The following ITPKB variants were observed in gnomAD, a reference collection of about 807,000 sequenced individuals.
The protein encoded by ITPKB is IP3 3-kinase B.
A neutral mutation model predicts 69.4 loss-of-function variants in ITPKB; 13 were observed. The observed-to-expected ratio is 0.19, with a 90% CI of 0.12 to 0.30. The LOEUF (loss-of-function observed/expected upper bound fraction) is 0.30, where lower values mean the gene tolerates loss of function less well. Ranked by LOEUF, ITPKB falls within the 10% of genes least tolerant of loss-of-function variation. ITPKB has a pLI of 1.00. For synonymous variants in ITPKB, 584 were observed against 513.7 expected (o/e 1.14, Z -1.85); for missense variants, 1,240 against 1,250.5 (o/e 0.99, Z 0.13).
Position 226,694,923 on chromosome 1 carries a change from C to T in ITPKB, c.1932+40604G>A, listed in dbSNP as rs564472349. Among the ~76,000 whole-genome samples, 44 of 152,362 alleles carry T rather than the reference C, an allele frequency of 2.9e-4. 1 individual carries two copies. Among genetic ancestry groups the T allele is most frequent in the South Asian group, 1.9e-3 (9 of 4,826 alleles). On this transcript the variant is annotated intron_variant, in intron 2 of 7. Coordinates refer to ENST00000429204, the MANE Select transcript of ITPKB (RefSeq NM_002221.4). ...TTTGAATTTAGGTCTCCTCATTCTT[C>T]CAACTCTTTCAAAAAGCTGGAAGGT...
intron 2 of ITPKB, among the ~76,000 whole-genome samples, chr1:226,711,110 G>A (rs1011359004): frequency 1.3e-5 from 2 of 152,092 alleles, no homozygotes; most frequent in African/African-American, 4.8e-5. Flanking sequence ...TGAAAACAAA[G>A]CCAAACAAAA....
rs560950373 is a variant in ITPKB at position 226,645,334 on chromosome 1, C to T, written c.2246+1833G>A. On this transcript the variant is annotated intron_variant, in intron 4 of 7. Coordinates refer to ENST00000429204, the MANE Select transcript of ITPKB (RefSeq NM_002221.4). ...CCAAGATGGGTTACATGGGTACCAGCCACGGTCACTCTAGATCTCTCTTGA... is the reference window on the plus strand; with the variant it reads ...CCAAGATGGGTTACATGGGTACCAGTCACGGTCACTCTAGATCTCTCTTGA... Among the ~76,000 whole-genome samples, 6 of 152,096 alleles carry T rather than the reference C, an allele frequency of 3.9e-5. No homozygotes were observed. The East Asian group carries it at 1.2e-3, about 29-fold the overall frequency.
chr1:226,697,701 G>A (rs922911604), intron 2 of ITPKB, among the ~76,000 whole-genome samples: 5 of 152,200 alleles, frequency 3.3e-5, no homozygotes, highest in Non-Finnish European at 5.9e-5. Context: ...GAAGGGAGGC[G>A]ATTAGTGGTG....
In ITPKB at chr1:226,632,710, T is replaced by C. The variant is rs1668751768; in HGVS notation, c.*1961A>G. 1 of 152,662 alleles carries C rather than the reference T, an allele frequency of 6.6e-6. No homozygotes were observed. The highest frequency in any genetic ancestry group is 1.5e-5 in the Non-Finnish European group (1 of 68,052). The allele number at this position is 152,662 out of a possible 1,614,324, so 9.5% of individuals were successfully genotyped here. A position where few individuals can be genotyped will look rare whatever the true frequency, so the allele number is the denominator to read the frequency against. On this transcript the variant is annotated 3_prime_UTR_variant, in exon 8 of 8. Transcript: ENST00000429204. ...GCAAACAGCTGGTGTCTGCCTAAAG[T>C]GCTTGGAACATTTTGTTCTCTTAAA...
At position 226,736,393 on chromosome 1, in the gene ITPKB, G is replaced by A; in HGVS notation, c.1066C>T (p.Pro356Ser). ...QGQFLGSETS[P>S]APERGGPRDG... ...CGGGGCCCGCCCCTTTCTGGGGCTG[G>A]GCTTGTCTCACTGCCCAGAAACTGC... The change falls in exon 2 of 8, where the codon CCA (proline) becomes TCA (serine). Residue 356 changes from proline (P) to serine (S), a missense_variant. By Grantham distance (74) the Pro-to-Ser change is moderately conservative. This residue lies in a region of ITPKB where 992 missense variants were observed against 853.8 expected (regional missense o/e 1.16). Coordinates refer to ENST00000429204, the MANE Select transcript of ITPKB (RefSeq NM_002221.4). 8 of 1,612,542 alleles carry A rather than the reference G, an allele frequency of 5.0e-6. No homozygotes were observed. The highest frequency in any genetic ancestry group is 6.8e-6 in the Non-Finnish European group (8 of 1,179,992).
At chr1:226,660,535 C>T (rs1669381526) in intron 2 of ITPKB, among the ~76,000 whole-genome samples, 1 of 152,228 alleles carries the variant, frequency 6.6e-6, no homozygotes, top group Non-Finnish European at 1.5e-5. Flanking sequence ...CTTCCCTCCT[C>T]CTCTCTCCTG....
chr1:226,698,400 G>C (rs571292452), intron 2 of ITPKB, among the ~76,000 whole-genome samples: 1 of 152,220 alleles, frequency 6.6e-6, no homozygotes, highest in African/African-American at 2.4e-5. Context: ...TCAGAGTATG[G>C]AGGCACTGGG....
chr1:226,652,548 G>A (rs1669214890), intron 2 of ITPKB, among the ~76,000 whole-genome samples: 1 of 152,212 alleles, frequency 6.6e-6, no homozygotes, highest in South Asian at 2.1e-4. Flanking sequence ...GCTCTCCACA[G>A]CAGCCTCTGT....
intron 2 of ITPKB, among the ~76,000 whole-genome samples, chr1:226,653,006 G>A (rs1468258744): frequency 6.6e-6 from 1 of 152,198 alleles, no homozygotes; most frequent in African/African-American, 2.4e-5. Context: ...CGGGGAGATA[G>A]GAGGGCCCAT....
At chr1:226,685,221 T>C (rs962050749) in intron 2 of ITPKB, among the ~76,000 whole-genome samples, 3 of 152,182 alleles carry the variant, frequency 2.0e-5, no homozygotes, top group South Asian at 4.1e-4. Flanking sequence ...ACCTGTCCTC[T>C]TGCCATCCAC....
chr1:226,634,753 T>C lies in ITPKB; in HGVS notation c.2759A>G (p.Asn920Ser). Residue 920 changes from asparagine (N) to serine (S), a missense_variant, in exon 8 of 8, where the codon AAC (asparagine) becomes AGC (serine). Coordinates refer to ENST00000429204, the MANE Select transcript of ITPKB (RefSeq NM_002221.4). This position sits in a 1 kb window ranked among gnomAD's most constrained non-coding sequence, Gnocchi z 6.3. The stretch of plus-strand genomic sequence containing the variant: ...CCCCGAGAGGTAGCCATCCTCCCGG[T>C]TCCCCTCCTGCCAGGGGACGTCATG... ...LQHDVPWQEGNREDGYLSGLN... is the reference protein window; with the variant it reads ...LQHDVPWQEGSREDGYLSGLN... 7.6e-7 allele frequency: 1 copy of C among 1,319,824 alleles called. No homozygotes were observed. The highest frequency in any genetic ancestry group is 1.1e-6 in the Non-Finnish European group (1 of 911,460). The allele number at this position is 1,319,824 out of a possible 1,614,324, so 81.8% of individuals were successfully genotyped here.
At chr1:226,668,770 C>A (rs906983725) in intron 2 of ITPKB, 1 of 152,164 alleles carries the variant, frequency 6.6e-6, no homozygotes, top group African/African-American at 2.4e-5. Flanking sequence ...GGAAGATAGA[C>A]CAACAAATGC....
At chr1:226,685,877 C>T (rs866652279) in intron 2 of ITPKB, among the ~76,000 whole-genome samples, 6 of 152,234 alleles carry the variant, frequency 3.9e-5, no homozygotes, top group African/African-American at 7.2e-5. Flanking sequence ...TGCTGGGTGC[C>T]GCGGTGAGCT....
In ITPKB at chr1:226,632,153, A is replaced by T. The variant is rs1181099172; in HGVS notation, c.*2518T>A. 1 of 152,694 alleles carries T rather than the reference A, an allele frequency of 6.5e-6. No individual in the cohort carries two copies. Among genetic ancestry groups the T allele is most frequent in the Non-Finnish European group, 1.5e-5 (1 of 68,060 alleles). The allele number at this position is 152,694 out of a possible 1,614,324, so 9.5% of individuals were successfully genotyped here. The stretch of plus-strand genomic sequence containing the variant: ...TGACACTAAAGGCAAGCCTGGGAAA[A>T]GCAAGCAGTTGAAGAAACCTTCCGA... On this transcript the variant is annotated 3_prime_UTR_variant, in exon 8 of 8. Coordinates refer to ENST00000429204, the MANE Select transcript of ITPKB (RefSeq NM_002221.4).
chr1:226,660,709 G>C lies in ITPKB; in HGVS notation c.1933-11938C>G, dbSNP rs764104679. ...GCCTCTCCAGGCCTCAAAGGCTGCTGGGCCCGGAGGCTAGGAGGGGACCAA... is the reference window on the plus strand; with the variant it reads ...GCCTCTCCAGGCCTCAAAGGCTGCTCGGCCCGGAGGCTAGGAGGGGACCAA... On this transcript the variant is annotated intron_variant, in intron 2 of 7. Coordinates refer to ENST00000429204, the MANE Select transcript of ITPKB (RefSeq NM_002221.4). Among the ~76,000 whole-genome samples, 34 of 152,232 alleles carry C rather than the reference G, an allele frequency of 2.2e-4. 1 individual carries two copies. Among genetic ancestry groups the C allele is most frequent in the Admixed American group, 1.3e-4 (2 of 15,288 alleles).
At chr1:226,719,923 C>T (rs1657191754) in intron 2 of ITPKB, among the ~76,000 whole-genome samples, 1 of 152,200 alleles carries the variant, frequency 6.6e-6, no homozygotes, top group Non-Finnish European at 1.5e-5. Flanking sequence ...AGAGTGAGTG[C>T]CTTGGGGTGC....
At chr1:226,712,431 A>C (rs1401772025) in intron 2 of ITPKB, among the ~76,000 whole-genome samples, 2 of 152,228 alleles carry the variant, frequency 1.3e-5, no homozygotes, top group Non-Finnish European at 2.9e-5. Context: ...AAGGTGAAGA[A>C]AGCCGAGGCT....
intron 2 of ITPKB, among the ~76,000 whole-genome samples, chr1:226,694,218 T>C (rs771457906): frequency 2.0e-5 from 3 of 152,198 alleles, no homozygotes; most frequent in African/African-American, 7.2e-5. Context: ...CCATAAAGAA[T>C]GTGTTCAGAT....
At chr1:226,732,123 C>T (rs1038455829) in intron 2 of ITPKB, among the ~76,000 whole-genome samples, 22 of 124,770 alleles carry the variant, frequency 1.8e-4, no homozygotes, top group African/African-American at 6.6e-4. Flanking sequence ...AAAAAAAAAG[C>T]GAAGGAAACA....
Sources: gnomAD v4.1 joint callset for allele counts (sites outside exome capture counted in the v4.1 genomes callset) on GRCh38, gnomAD v4.1.1 for gene constraint, gnomAD v4.1.1 regional missense constraint, Gnocchi (gnomAD v3.1) non-coding constraint, MANE v1.5 for transcripts, NCBI Gene and HGNC (gene_info 2026-07-23, HGNC 2026-07-21) for gene names.